Variants in C1QTNF3 observed in about 807,000 individuals in gnomAD.
The protein encoded by C1QTNF3 is C1q and TNF related 3.
In C1QTNF3, 26 loss-of-function variants were observed where a neutral mutation model predicts 32.6. That is an observed-to-expected ratio of 0.80 (90% CI 0.58 to 1.11). The LOEUF is 1.11. Ranked by LOEUF, C1QTNF3 falls within the 50% of genes least tolerant of loss-of-function variation. The probability of loss-of-function intolerance (pLI) is 0.00; values close to 1 mark genes in which losing one functional copy is unlikely to be tolerated. For synonymous variants in C1QTNF3, 155 were observed against 146.0 expected (o/e 1.06, Z -0.44); for missense variants, 362 against 398.2 (o/e 0.91, Z 0.77).
chr5:34,165,205 A>T, the C1QTNF3 span: 2 of 152,102 alleles, frequency 1.3e-5, 1 homozygote, highest in South Asian at 4.2e-4. Context: ...ACTGAGAGTT[A>T]TACCATCAGT....
In C1QTNF3 at chr5:34,021,145, T is replaced by C. The variant is rs1326342919; in HGVS notation, c.801-403A>G. Among the ~76,000 whole-genome samples the C allele has an allele frequency of 3.9e-5, 6 of 152,352 alleles. No homozygotes were observed. In the East Asian group the frequency reaches 7.7e-4, roughly 20 times the overall value. Reference sequence around the variant, plus strand: ...TTCCACTGGGTTTTTGTTACAGTAATTTAGCTTCCCCTAACCAAGCTAGAA... The same window carrying C: ...TTCCACTGGGTTTTTGTTACAGTAACTTAGCTTCCCCTAACCAAGCTAGAA... On this transcript the variant is annotated intron_variant, in intron 5 of 5. Transcript: ENST00000382065.
At chr5:34,177,556 G>C in the C1QTNF3 span, among the ~76,000 whole-genome samples, 1 of 138,060 alleles carries the variant, frequency 7.2e-6, no homozygotes, top group Non-Finnish European at 1.5e-5. Flanking sequence ...GCACAATCTC[G>C]GCTCACTGCA....
At chr5:34,083,841 CAT>C in the C1QTNF3 span, among the ~76,000 whole-genome samples, 4 of 151,810 alleles carry the variant, frequency 2.6e-5, no homozygotes, top group South Asian at 4.1e-4. Flanking sequence ...TACATGTGTA[CAT>C]GTTACAATAC....
chr5:34,137,707 CAT>C, the C1QTNF3 span, among the ~76,000 whole-genome samples: 14 of 152,212 alleles, frequency 9.2e-5, no homozygotes, highest in East Asian at 3.8e-4. Flanking sequence ...CATGCACACA[CAT>C]ATGAGTGCTC....
At chr5:34,118,263 G>C in the C1QTNF3 span, among the ~76,000 whole-genome samples, 7,407 of 152,200 alleles carry the variant, frequency 0.049, 255 homozygotes, top group Admixed American at 0.1. Flanking sequence ...AGTTTTGGTA[G>C]AGAAAGAGTT....
intron 1 of C1QTNF3, 112 bp downstream of exon 1, chr5:34,042,711 G>A (rs1268755536): frequency 6.4e-6 from 7 of 1,095,248 alleles, no homozygotes; most frequent in East Asian, 4.8e-5. Context: ...CGAACTTCTC[G>A]AAAGCATTCA....
At chr5:34,095,833 C>A in the C1QTNF3 span, among the ~76,000 whole-genome samples, 1 of 150,944 alleles carries the variant, frequency 6.6e-6, no homozygotes, top group Non-Finnish European at 1.5e-5. Context: ...CTTTTCAAAG[C>A]GAAAATGGAA....
At chr5:34,218,132 T>A in the C1QTNF3 span, among the ~76,000 whole-genome samples, 3 of 151,828 alleles carry the variant, frequency 2.0e-5, no homozygotes, top group South Asian at 2.1e-4. Flanking sequence ...AATATTATCA[T>A]AAGAACATAA....
intron 5 of C1QTNF3, among the ~76,000 whole-genome samples, chr5:34,023,107 G>A (rs299610): frequency 0.34 from 52,237 of 151,830 alleles, 9,337 homozygotes; most frequent in South Asian, 0.59. Flanking sequence ...TGTCCACCTC[G>A]GCCTCCCAAA....
chr5:34,154,814 A>T, the C1QTNF3 span, among the ~76,000 whole-genome samples: 1 of 152,154 alleles, frequency 6.6e-6, no homozygotes, highest in Non-Finnish European at 1.5e-5. Context: ...CATCAGGTAG[A>T]GATAGAGACA....
At chr5:34,178,462 C>A in the C1QTNF3 span, among the ~76,000 whole-genome samples, 1 of 152,372 alleles carries the variant, frequency 6.6e-6, no homozygotes, top group African/African-American at 2.4e-5. Context: ...TGTGTCAACT[C>A]CAACCCTGGA....
the C1QTNF3 span, among the ~76,000 whole-genome samples, chr5:34,078,547 G>A: frequency 6.6e-6 from 1 of 151,556 alleles, no homozygotes; most frequent in Non-Finnish European, 1.5e-5. The surrounding 1 kb of genome is among the most constrained non-coding windows in gnomAD (Gnocchi z 4.0). Flanking sequence ...AATAGCATGG[G>A]AGAAACCGCC....
the C1QTNF3 span, among the ~76,000 whole-genome samples, chr5:34,229,457 T>C: frequency 1.2e-3 from 177 of 152,254 alleles, no homozygotes; most frequent in African/African-American, 4.1e-3. Context: ...AACATATTGA[T>C]GTGGTAGTCA....
the C1QTNF3 span, among the ~76,000 whole-genome samples, chr5:34,095,057 A>C: frequency 6.6e-6 from 1 of 152,010 alleles, no homozygotes; most frequent in Admixed American, 6.6e-5. Context: ...AGGTATTTAG[A>C]GTGTTCATAA....
At chr5:34,121,953 C>T in the C1QTNF3 span, among the ~76,000 whole-genome samples, 5 of 152,182 alleles carry the variant, frequency 3.3e-5, no homozygotes, top group Non-Finnish European at 7.3e-5. Flanking sequence ...CTGACCCTCA[C>T]CAGATACCTA....
chr5:34,140,784 A>G, the C1QTNF3 span, among the ~76,000 whole-genome samples: 1 of 152,264 alleles, frequency 6.6e-6, no homozygotes, highest in Non-Finnish European at 1.5e-5. Flanking sequence ...ACATGCTTTC[A>G]ACTTCATAGA....
the C1QTNF3 span, among the ~76,000 whole-genome samples, chr5:34,111,127 T>G: frequency 3.3e-5 from 5 of 152,200 alleles, no homozygotes; most frequent in African/African-American, 1.2e-4. Flanking sequence ...ATAGACTTAT[T>G]TGGAAAGCAA....
chr5:34,073,362 T>C, the C1QTNF3 span, among the ~76,000 whole-genome samples: 1 of 151,770 alleles, frequency 6.6e-6, no homozygotes, highest in South Asian at 2.1e-4. Context: ...TGTGTGTTAA[T>C]GAAACATGAT....
the C1QTNF3 span, among the ~76,000 whole-genome samples, chr5:34,227,210 T>C: frequency 6.7e-6 from 1 of 150,258 alleles, no homozygotes; most frequent in Non-Finnish European, 1.5e-5. Flanking sequence ...TTTAAGTGAA[T>C]ACTCACAACA....
Sources: gnomAD v4.1 joint callset for allele counts (sites outside exome capture counted in the v4.1 genomes callset) on GRCh38, gnomAD v4.1.1 for gene constraint, Gnocchi (gnomAD v3.1) non-coding constraint, MANE v1.5 for transcripts, NCBI Gene and HGNC (gene_info 2026-07-23, HGNC 2026-07-21) for gene names.